Variants in RYR2 observed in about 807,000 individuals in gnomAD.
RYR2 encodes ryanodine receptor 2.
Under a neutral mutation model 601.1 loss-of-function variants are expected in RYR2, and 227 were observed. The ratio of observed to expected loss-of-function variants is 0.38; its 90% CI spans 0.34 to 0.42. RYR2 has a LOEUF of 0.42. RYR2 is among the 10% of genes least tolerant of loss of function. RYR2 has a pLI of 1.00. For synonymous variants in RYR2, 2,223 were observed against 2,175.1 expected, an observed-to-expected ratio of 1.02 and a Z score of -0.61; for missense variants, 4,646 against 6,156.5, an observed-to-expected ratio of 0.75 and a Z score of 8.21.
chr1:237,552,735 C>T (rs1214729456), intron 27 of RYR2, among the ~76,000 whole-genome samples: 1 of 151,842 alleles, frequency 6.6e-6, no homozygotes, highest in Non-Finnish European at 1.5e-5. Flanking sequence ...AGTGGCATTC[C>T]TTAAATAATA....
At chr1:237,619,661 C>T (rs909167676) in intron 38 of RYR2, among the ~76,000 whole-genome samples, 18 of 145,168 alleles carry the variant, frequency 1.2e-4, no homozygotes, top group African/African-American at 1.4e-4. Context: ...AAATCTTTAC[C>T]GAGACACATC....
intron 25 of RYR2, among the ~76,000 whole-genome samples, chr1:237,538,394 C>CAAAAAAAAAAAAAAAAAAAAAAA (rs10551995): frequency 3.0e-5 from 1 of 32,898 alleles, no homozygotes; most frequent in African/African-American, 1.3e-4. Flanking sequence ...GACTCTGTCT[C>CAAAAAAAAAAAAAAAAAAAAAAA]AAAAAAAAAA....
chr1:237,492,666 C>T (rs117477809), intron 18 of RYR2, among the ~76,000 whole-genome samples: 1 of 152,002 alleles, frequency 6.6e-6, no homozygotes, highest in East Asian at 1.9e-4. Flanking sequence ...TATAGCAATA[C>T]CCTGTCTTTA....
chr1:237,687,638 G>A (rs1686548972), intron 63 of RYR2, 134 bp downstream of exon 63: 5 of 715,410 alleles, frequency 7.0e-6, no homozygotes, highest in Non-Finnish European at 1.3e-5. Context: ...TGCAGGCCAA[G>A]ATAAGGTCCT....
chr1:237,177,959 C>T (rs1296791293), intron 1 of RYR2, among the ~76,000 whole-genome samples: 1 of 152,044 alleles, frequency 6.6e-6, no homozygotes, highest in Non-Finnish European at 1.5e-5. Flanking sequence ...AAGACAATGC[C>T]AAATGTCTTC....
chr1:237,604,074 A>G (rs1676822736), intron 35 of RYR2, among the ~76,000 whole-genome samples: 2 of 152,360 alleles, frequency 1.3e-5, no homozygotes, highest in East Asian at 3.9e-4. Context: ...AAGCGGACCT[A>G]ATAGACATCT....
At chr1:237,675,200 T>C (rs142648007) in intron 60 of RYR2, among the ~76,000 whole-genome samples, 1 of 152,274 alleles carries the variant, frequency 6.6e-6, no homozygotes, top group East Asian at 1.9e-4. Flanking sequence ...CTTCCAAAAC[T>C]ATGGATTTTC....
chr1:237,350,431 C>T (rs1392589137), intron 3 of RYR2, among the ~76,000 whole-genome samples: 2 of 150,674 alleles, frequency 1.3e-5, no homozygotes, highest in Non-Finnish European at 3.0e-5. Flanking sequence ...ATTAGCCAAG[C>T]ATGGTGGTGT....
chr1:237,494,938 A>G (rs576668478), intron 19 of RYR2, among the ~76,000 whole-genome samples: 33 of 151,400 alleles, frequency 2.2e-4, no homozygotes, highest in African/African-American at 6.4e-4. Context: ...TTACAGGTGC[A>G]CACCACCACA....
intron 33 of RYR2, among the ~76,000 whole-genome samples, 173 bp from the exon 34 acceptor site, chr1:237,595,325 C>A (rs1675773015): frequency 6.6e-6 from 1 of 152,174 alleles, no homozygotes; most frequent in Non-Finnish European, 1.5e-5. Flanking sequence ...AGAACGTCCA[C>A]TGCAGTCAAT....
rs1259104446 is a variant in RYR2 at position 237,454,455 on chromosome 1, A to T, written c.1357A>T (p.Ser453Cys). 1.2e-6 allele frequency: 2 copies of T among 1,613,630 alleles called. No individual in the cohort carries two copies. Among genetic ancestry groups the T allele is most frequent in the Admixed American group, 1.7e-5 (1 of 59,956 alleles). Reference sequence around the variant, plus strand: ...AGTCGATTTGCCTATAGAGTCCGTAAGCCTAAGTCTGCAGGATCTCATTGG... The same window carrying T: ...AGTCGATTTGCCTATAGAGTCCGTATGCCTAAGTCTGCAGGATCTCATTGG... The part of the protein sequence containing the change: ...STVDLPIESV[S>C]LSLQDLIGYF... The change falls in exon 15 of 105, where the codon AGC becomes TGC. Residue 453 changes from serine to cysteine, a missense_variant. Coordinates refer to ENST00000366574, the MANE Select transcript of RYR2 (RefSeq NM_001035.3).
chr1:237,443,356 T>G (rs1275134964), intron 13 of RYR2, among the ~76,000 whole-genome samples: 1 of 152,186 alleles, frequency 6.6e-6, no homozygotes, highest in African/African-American at 2.4e-5. Flanking sequence ...CTGAGGACAG[T>G]TGAAATTGTT....
intron 79 of RYR2, among the ~76,000 whole-genome samples, chr1:237,738,998 C>A (rs888548021): frequency 6.6e-6 from 1 of 152,172 alleles, no homozygotes; most frequent in Non-Finnish European, 1.5e-5. Flanking sequence ...TGACTTTTGT[C>A]AACCAAATGG....
At chr1:237,234,436 C>A (rs1002414067) in intron 1 of RYR2, among the ~76,000 whole-genome samples, 1 of 152,192 alleles carries the variant, frequency 6.6e-6, no homozygotes, top group Non-Finnish European at 1.5e-5. Context: ...TTTATGAAAT[C>A]TTTTACATAC....
chr1:237,130,770 G>A lies in RYR2; in HGVS notation c.48+88201G>A, dbSNP rs1344685248. Among the ~76,000 whole-genome samples, 3 of 152,094 alleles carry A rather than the reference G, an allele frequency of 2.0e-5. No homozygotes were observed. In the East Asian group the frequency reaches 5.8e-4, roughly 29 times the overall value. ...ATCCTGGATTATGATCAGGCATCTA[G>A]CAGAAGTAAATGTTAATTTTCTCTA... On this transcript the variant is annotated intron_variant, in intron 1 of 104. Transcript: ENST00000366574.
chr1:237,806,080 C>G lies in RYR2; in HGVS notation c.14152-57C>G, dbSNP rs1228794852. 7 of 1,508,544 alleles carry G rather than the reference C, an allele frequency of 4.6e-6. No homozygotes were observed. In the Admixed American group the frequency reaches 1.0e-4, roughly 22 times the overall value. 93.4% of individuals were successfully genotyped at this position (1,508,544 alleles called of 1,614,324 possible). ...CTGGCTTATTTTGCTTAACCCATAA[C>G]AATAGTCATGCGTTCTGTTTTCTGA... On this transcript the variant is annotated intron_variant, in intron 98 of 104. Transcript: ENST00000366574.
At chr1:237,514,136 A>G (rs1396679574) in intron 24 of RYR2, among the ~76,000 whole-genome samples, 1 of 152,206 alleles carries the variant, frequency 6.6e-6, no homozygotes, top group Non-Finnish European at 1.5e-5. Context: ...TTAGTAATTC[A>G]TAGCAGCTCA....
chr1:237,334,053 A>G (rs1225582481), intron 3 of RYR2, among the ~76,000 whole-genome samples: 1 of 152,172 alleles, frequency 6.6e-6, no homozygotes, highest in Admixed American at 6.5e-5. Context: ...TCATGTCCAA[A>G]ATGTTATATG....
rs77081587 is a variant in RYR2, at chr1:237,689,748, A to G, written c.9067+2244A>G. 4.6e-3 allele frequency among the ~76,000 whole-genome samples: 704 copies of G among 151,944 alleles called. 1 individual carries two copies. Among genetic ancestry groups the G allele is most frequent in the South Asian group, 0.02 (97 of 4,808 alleles). On this transcript the variant is annotated intron_variant, in intron 63 of 104. Transcript: ENST00000366574. ...ATTAAAGTGTATGTTATTGTTTCAA[A>G]TTTGCTTTGATATTTGCCTATAAAA...
Sources: gnomAD v4.1 joint callset for allele counts (sites outside exome capture counted in the v4.1 genomes callset) on GRCh38, gnomAD v4.1.1 for gene constraint, MANE v1.5 for transcripts, NCBI Gene and HGNC (gene_info 2026-07-23, HGNC 2026-07-21) for gene names.